SHANK2: variants seen among roughly 807,000 people sequenced by gnomAD.
SHANK2 encodes SH3 and multiple ankyrin repeat domains protein 2.
A neutral mutation model predicts 133.7 loss-of-function variants in SHANK2; 43 were observed. That is an observed-to-expected ratio of 0.32 (90% CI 0.25 to 0.41). The LOEUF is 0.41. Among genes scored for constraint, SHANK2 ranks in the 10% least tolerant of loss-of-function variants. The pLI, the probability that SHANK2 is intolerant of heterozygous loss-of-function variation, is 1.00. For missense variants in SHANK2, 1,994 were observed against 2,235.8 expected, an observed-to-expected ratio of 0.89 and a Z score of 2.18; for synonymous variants, 1,017 against 952.8, an observed-to-expected ratio of 1.07 and a Z score of -1.24.
intron 10 of SHANK2, among the ~76,000 whole-genome samples, chr11:70,941,870 A>T (rs1225643120): frequency 1.3e-5 from 2 of 150,808 alleles, no homozygotes; most frequent in Non-Finnish European, 3.0e-5. Context: ...AATAATAATA[A>T]TATAATAATA....
intron 11 of SHANK2, among the ~76,000 whole-genome samples, chr11:70,860,173 C>A (rs1291899099): frequency 1.3e-5 from 2 of 152,208 alleles, no homozygotes; most frequent in Non-Finnish European, 2.9e-5. Flanking sequence ...ACACAGCCCA[C>A]CTGATCCCGC....
intron 6 of SHANK2, among the ~76,000 whole-genome samples, chr11:71,101,959 C>T (rs1555096717): frequency 6.6e-6 from 1 of 152,228 alleles, no homozygotes; most frequent in African/African-American, 2.4e-5. Flanking sequence ...GAGGTCCAGA[C>T]ACATCACAGG....
intron 12 of SHANK2, among the ~76,000 whole-genome samples, chr11:70,817,459 G>C (rs1315134399): frequency 1.3e-5 from 2 of 152,210 alleles, no homozygotes; most frequent in Admixed American, 6.5e-5. Flanking sequence ...AGTGCCCCTC[G>C]ACTTGGGACA....
intron 8 of SHANK2, among the ~76,000 whole-genome samples, chr11:71,076,252 G>A (rs1420386393): frequency 1.3e-5 from 2 of 152,126 alleles, no homozygotes; most frequent in South Asian, 2.1e-4. Context: ...TCCCAGGGTC[G>A]GGAGGGAAAG....
At chr11:70,503,052 G>T in intron 17 of SHANK2, 121 bp from the exon 18 acceptor site, 1 of 1,059,528 alleles carries the variant, frequency 9.4e-7, no homozygotes, top group South Asian at 1.3e-5. Flanking sequence ...GAAGCAAAGG[G>T]AGTGAGACCG....
At chr11:70,675,639 A>C (rs540529758) in intron 15 of SHANK2, among the ~76,000 whole-genome samples, 2 of 152,322 alleles carry the variant, frequency 1.3e-5, no homozygotes, top group South Asian at 4.2e-4. Context: ...TGGAGAAAGA[A>C]CTGGAGAAGG....
intron 11 of SHANK2, among the ~76,000 whole-genome samples, chr11:70,843,435 C>A (rs782109163): frequency 6.6e-6 from 1 of 151,722 alleles, no homozygotes; most frequent in African/African-American, 2.4e-5. Flanking sequence ...AGCTGAAATT[C>A]GTATTGTGAG....
At chr11:70,597,233 C>T (rs1191985762) in intron 17 of SHANK2, among the ~76,000 whole-genome samples, 1 of 152,142 alleles carries the variant, frequency 6.6e-6, no homozygotes, top group African/African-American at 2.4e-5. Flanking sequence ...GAAACTCCTC[C>T]CTGTCCCTCA....
rs544516749 is a variant in SHANK2, at chr11:70,533,624, G to A, written c.2062-30693C>T. On this transcript the variant is annotated intron_variant, in intron 17 of 25. Coordinates refer to ENST00000601538, the MANE Select transcript of SHANK2 (RefSeq NM_012309.5). ...ACTGGCTCCCATCAGCTTTTTGGGGGACATGCATATTTCTTTAATTGAGAT... is the reference window on the plus strand; with the variant it reads ...ACTGGCTCCCATCAGCTTTTTGGGGAACATGCATATTTCTTTAATTGAGAT... Among the ~76,000 whole-genome samples the A allele has an allele frequency of 1.8e-3, 279 of 152,228 alleles. 2 individuals are homozygous for A. The highest frequency in any genetic ancestry group is 6.5e-3 in the African/African-American group (269 of 41,548).
At chr11:70,828,021 G>A (rs1948672139) in intron 11 of SHANK2, among the ~76,000 whole-genome samples, 2 of 152,202 alleles carry the variant, frequency 1.3e-5, no homozygotes, top group African/African-American at 2.4e-5. Context: ...GCTCACGCCT[G>A]TAATCCCAGT....
In SHANK2 at chr11:70,479,157, G is replaced by A. The variant is rs144572252; in HGVS notation, c.4980-5718C>T. ...CTAGTGCTCCCAGCCACCCACAGTC[G>A]CATTCACTGATGTCACATTCACTTT... On this transcript the variant is annotated intron_variant, in intron 25 of 25. Transcript: ENST00000601538. This position sits in a 1 kb window ranked among gnomAD's most constrained non-coding sequence, Gnocchi z 4.4. Among the ~76,000 whole-genome samples, 61 of 152,270 alleles carry A rather than the reference G, an allele frequency of 4.0e-4. No homozygotes were observed. The highest frequency in any genetic ancestry group is 7.6e-4 in the Non-Finnish European group (52 of 68,024).
intron 17 of SHANK2, among the ~76,000 whole-genome samples, chr11:70,517,537 A>G (rs1345325717): frequency 6.6e-6 from 1 of 152,216 alleles, no homozygotes; most frequent in Non-Finnish European, 1.5e-5. Context: ...ACTAAAAAGA[A>G]ATGAGCTACC....
At chr11:70,828,781 G>T (rs149161766) in intron 11 of SHANK2, among the ~76,000 whole-genome samples, 1 of 152,328 alleles carries the variant, frequency 6.6e-6, no homozygotes, top group Non-Finnish European at 1.5e-5. Flanking sequence ...GACCCGGCTG[G>T]TCGTGTGCTC....
intron 8 of SHANK2, among the ~76,000 whole-genome samples, chr11:71,090,937 C>T (rs1951507644): frequency 6.6e-6 from 1 of 152,014 alleles, no homozygotes. Flanking sequence ...TGGGGCCCAC[C>T]CACATCATGG....
At chr11:70,952,341 T>C (rs898796195) in intron 10 of SHANK2, among the ~76,000 whole-genome samples, 4 of 152,190 alleles carry the variant, frequency 2.6e-5, no homozygotes, top group Non-Finnish European at 4.4e-5. Context: ...ACAAGTTCCA[T>C]CTTGTTCATA....
At chr11:70,604,171 TCTC>T (rs1212090990) in intron 17 of SHANK2, 1 of 152,190 alleles carries the variant, frequency 6.6e-6, no homozygotes, top group African/African-American at 2.4e-5. Context: ...GAGTCTCCCT[TCTC>T]CTCCCTCCTT....
chr11:70,761,322 G>A (rs181302311), intron 14 of SHANK2, among the ~76,000 whole-genome samples: 5 of 152,262 alleles, frequency 3.3e-5, no homozygotes, highest in Admixed American at 2.6e-4. Context: ...GGGGCATAGC[G>A]AGGAGGTGTC....
At chr11:71,082,900 T>C (rs986115842) in intron 8 of SHANK2, among the ~76,000 whole-genome samples, 18,920 of 151,992 alleles carry the variant, frequency 0.12, 1,365 homozygotes, top group Non-Finnish European at 0.16. Flanking sequence ...GGAGCAGGTG[T>C]GGTAGGCACT....
At chr11:71,058,524 A>G (rs1433032178) in intron 9 of SHANK2, among the ~76,000 whole-genome samples, 2 of 152,284 alleles carry the variant, frequency 1.3e-5, no homozygotes, top group African/African-American at 4.8e-5. Context: ...GAATAAGCAA[A>G]CTCTGTTTTT....
Sources: allele counts gnomAD v4.1 joint callset (sites outside exome capture counted in the v4.1 genomes callset), GRCh38; gene constraint gnomAD v4.1.1; non-coding constraint Gnocchi (gnomAD v3.1); transcripts MANE v1.5; gene names NCBI Gene and HGNC (gene_info 2026-07-23, HGNC 2026-07-21).